Variants in MTREX observed in about 807,000 individuals in gnomAD.
MTREX encodes exosome RNA helicase MTR4.
MTREX carries 76 observed loss-of-function variants against 135.4 expected under a neutral mutation model. The ratio of observed to expected loss-of-function variants is 0.56; its 90% CI spans 0.47 to 0.68. The LOEUF (loss-of-function observed/expected upper bound fraction) is 0.68. Among genes scored for constraint, MTREX ranks in the 30% least tolerant of loss-of-function variants. MTREX has a pLI of 0.00. For missense variants in MTREX, 920 were observed against 1,262.1 expected (o/e 0.73, Z 4.11); for synonymous variants, 404 against 401.6 (o/e 1.01, Z -0.07).
chr5:55,345,295 A>G, intron 10 of MTREX, 99 bp downstream of exon 10: 2 of 753,198 alleles, frequency 2.7e-6, no homozygotes, highest in Non-Finnish European at 2.3e-6. Flanking sequence ...CAAGCTATGT[A>G]AAGGTCTAGA....
At chr5:55,313,252 C>T (rs866108870) in intron 1 of MTREX, among the ~76,000 whole-genome samples, 6 of 144,368 alleles carry the variant, frequency 4.2e-5, no homozygotes, top group Non-Finnish European at 6.0e-5. Flanking sequence ...GCTTGGGCAA[C>T]GTGGTGAAAC....
At chr5:55,396,963 A>G (rs1298765062) in intron 19 of MTREX, among the ~76,000 whole-genome samples, 1 of 152,216 alleles carries the variant, frequency 6.6e-6, no homozygotes, top group Non-Finnish European at 1.5e-5. Context: ...ATTATGTCTA[A>G]TGGAATATGC....
At chr5:55,356,951 T>G (rs1030719226) in intron 14 of MTREX, 1 of 162,010 alleles carries the variant, frequency 6.2e-6, no homozygotes, top group Non-Finnish European at 1.4e-5. Flanking sequence ...AGATACTGGA[T>G]GCCATCTAGC....
chr5:55,387,636 A>G (rs534985853), intron 18 of MTREX, among the ~76,000 whole-genome samples: 4 of 152,218 alleles, frequency 2.6e-5, no homozygotes, highest in South Asian at 4.1e-4. Context: ...TCTATTCTCA[A>G]TCTATTATGT....
chr5:55,358,810 C>T (rs1749962564), intron 15 of MTREX, 112 bp downstream of exon 15: 2 of 792,364 alleles, frequency 2.5e-6, no homozygotes, highest in South Asian at 4.4e-5. Context: ...AGTTAATATA[C>T]TGAAACTATC....
chr5:55,314,978 C>T (rs755516905), intron 1 of MTREX, among the ~76,000 whole-genome samples: 3 of 152,240 alleles, frequency 2.0e-5, no homozygotes, highest in Non-Finnish European at 4.4e-5. Flanking sequence ...TCGCTGCTCA[C>T]TTCCTGCTAT....
intron 5 of MTREX, chr5:55,329,234 A>G (rs1749429866): frequency 6.5e-6 from 1 of 153,128 alleles, no homozygotes. Context: ...CTGCGCAGTC[A>G]TGGCTCACTG....
intron 5 of MTREX, among the ~76,000 whole-genome samples, chr5:55,334,881 A>G (rs1006264121): frequency 3.9e-5 from 6 of 152,048 alleles, no homozygotes; most frequent in Non-Finnish European, 8.8e-5. Context: ...TGATTGCTGT[A>G]TTTTATGGCA....
intron 18 of MTREX, among the ~76,000 whole-genome samples, chr5:55,385,298 G>T (rs942033161): frequency 3.3e-5 from 5 of 152,170 alleles, no homozygotes; most frequent in African/African-American, 1.2e-4. Flanking sequence ...GGGAAGGGCT[G>T]TTGGGGCCCT....
chr5:55,324,766 A>C (rs1264706238), intron 3 of MTREX: 1 of 151,554 alleles, frequency 6.6e-6, no homozygotes, highest in Non-Finnish European at 1.5e-5. Flanking sequence ...AAATTTCTTA[A>C]CCTCTTTGTT....
chr5:55,324,424 C>CTTTTTT (rs10592726), intron 3 of MTREX: 1 of 17,002 alleles, frequency 5.9e-5, no homozygotes, highest in African/African-American at 2.2e-4. Flanking sequence ...CTTATTTTAA[C>CTTTTTT]TTTTTTTTTT....
chr5:55,375,202 C>T (rs1182074057), intron 16 of MTREX, among the ~76,000 whole-genome samples: 1 of 152,200 alleles, frequency 6.6e-6, no homozygotes, highest in African/African-American at 2.4e-5. Flanking sequence ...TCATTGATAA[C>T]ATCTTATCAG....
intron 5 of MTREX, among the ~76,000 whole-genome samples, chr5:55,336,069 T>C (rs1749548503): frequency 6.6e-6 from 1 of 152,200 alleles, no homozygotes; most frequent in Admixed American, 6.5e-5. Flanking sequence ...TATATTGAAA[T>C]ACAGTTGATT....
chr5:55,351,494 T>C (rs959988034), intron 13 of MTREX, among the ~76,000 whole-genome samples: 3 of 152,160 alleles, frequency 2.0e-5, no homozygotes, highest in Non-Finnish European at 4.4e-5. Flanking sequence ...ATCACACCAT[T>C]GTACTCCAGC....
Position 55,308,246 on chromosome 5 carries a change from A to G in MTREX, c.134+99A>G, listed in dbSNP as rs113691185. 28 of 1,391,788 alleles carry G rather than the reference A, an allele frequency of 2.0e-5. No homozygotes were observed. The African/African-American group carries it at 2.2e-4, about 11-fold the overall frequency. The allele number at this position is 1,391,788 out of a possible 1,614,324, so 86.2% of individuals were successfully genotyped here. ...AAGAGCACGAGAAAGTGAAGTGTAC[A>G]TTGAGTGGCGTTGGAAGTGAAGGGG... On this transcript the variant is annotated intron_variant, in intron 1 of 26. Transcript: ENST00000230640.
intron 21 of MTREX, among the ~76,000 whole-genome samples, chr5:55,403,725 G>C (rs954149897): frequency 1.3e-5 from 2 of 152,186 alleles, no homozygotes; most frequent in Non-Finnish European, 2.9e-5. Context: ...AGCATTCATT[G>C]TCTAGCTTGG....
At chr5:55,356,565 G>A (rs899732841) in intron 14 of MTREX, 2 of 197,632 alleles carry the variant, frequency 1.0e-5, no homozygotes, top group Non-Finnish European at 1.1e-5. Flanking sequence ...TCCAGGGTCC[G>A]CTGTCAGCAG....
At chr5:55,322,726 T>C (rs1272475086) in intron 2 of MTREX, among the ~76,000 whole-genome samples, 1 of 152,162 alleles carries the variant, frequency 6.6e-6, no homozygotes, top group African/African-American at 2.4e-5. Flanking sequence ...TTAAAAAAAA[T>C]ACGTTTTCTT....
chr5:55,383,598 T>C (rs1435790009), intron 18 of MTREX, among the ~76,000 whole-genome samples: 1 of 152,172 alleles, frequency 6.6e-6, no homozygotes, highest in Non-Finnish European at 1.5e-5. Flanking sequence ...GCTTTAAGAT[T>C]TTCTCTTTTT....
Sources: allele counts gnomAD v4.1 joint callset (sites outside exome capture counted in the v4.1 genomes callset), GRCh38; gene constraint gnomAD v4.1.1; transcripts MANE v1.5; gene names NCBI Gene and HGNC (gene_info 2026-07-23, HGNC 2026-07-21).